The following FBXO31 variants were observed in gnomAD, a reference collection of about 807,000 sequenced individuals.
FBXO31 encodes the protein F-box only protein 31.
FBXO31 carries 24 observed loss-of-function variants against 54.4 expected under a neutral mutation model. The observed-to-expected ratio is 0.44, with a 90% CI of 0.32 to 0.62. The LOEUF (loss-of-function observed/expected upper bound fraction) is 0.62. Among genes scored for constraint, FBXO31 ranks in the 20% least tolerant of loss-of-function variants. The probability of loss-of-function intolerance (pLI) is 0.05; values close to 1 mark genes in which losing one functional copy is unlikely to be tolerated. For synonymous variants in FBXO31, 388 were observed against 335.6 expected (o/e 1.16, Z -1.71); for missense variants, 665 against 787.1 (o/e 0.84, Z 1.86).
At chr16:87,389,201 G>T (rs1242577658) in intron 1 of FBXO31, among the ~76,000 whole-genome samples, 2 of 152,056 alleles carry the variant, frequency 1.3e-5, no homozygotes, top group Non-Finnish European at 2.9e-5. Context: ...TCTTACATGG[G>T]AATGAAACCT....
rs971513949 is a variant in FBXO31 at position 87,346,130 on chromosome 16, C to T, written c.489+1044G>A. Among the ~76,000 whole-genome samples, 24 of 152,322 alleles carry T rather than the reference C, an allele frequency of 1.6e-4. No individual in the cohort carries two copies. Among genetic ancestry groups the T allele is most frequent in the African/African-American group, 5.8e-4 (24 of 41,588 alleles). Reference sequence around the variant, plus strand: ...ACGGACGGCCTCCGGCTGGGCCCTACAGAGGGTTGTGTCCTGGGAAGGAGA... The same window carrying T: ...ACGGACGGCCTCCGGCTGGGCCCTATAGAGGGTTGTGTCCTGGGAAGGAGA... On this transcript the variant is annotated intron_variant, in intron 3 of 8. Transcript: ENST00000311635. The surrounding 1 kb of genome is among the most constrained non-coding windows in gnomAD (Gnocchi z 4.2).
At position 87,327,143 on chromosome 16, in the gene FBXO31, T is replaced by G. The variant is rs3748396; in HGVS notation, c.*4145A>C. The stretch of plus-strand genomic sequence containing the variant: ...GTCACCTTACCAGGGGGTGCAGAGG[T>G]GCTCATGATCAGATGGCACAGCGCT... On this transcript the variant is annotated 3_prime_UTR_variant, in exon 9 of 9. Transcript: ENST00000311635. The G allele has an allele frequency of 0.74, 113,147 of 152,396 alleles. 42,264 individuals are homozygous for G. The highest frequency in any genetic ancestry group is 0.78 in the African/African-American group (32,575 of 41,528). The allele number at this position is 152,396 out of a possible 1,614,324, so 9.4% of individuals were successfully genotyped here.
At chr16:87,360,481 C>T in intron 1 of FBXO31, 115 bp from the exon 2 acceptor site, 1 of 785,032 alleles carries the variant, frequency 1.3e-6, no homozygotes. Context: ...GCCCCATCTC[C>T]AGAGTGCATC....
upstream of FBXO31, among the ~76,000 whole-genome samples, chr16:87,384,429 G>C (rs1165638737): frequency 6.6e-6 from 1 of 152,186 alleles, no homozygotes; most frequent in African/African-American, 2.4e-5. Flanking sequence ...CGGCCCAAGA[G>C]ATCCGGGGAT....
chr16:87,366,398 C>G (rs991389417), intron 1 of FBXO31, among the ~76,000 whole-genome samples: 1 of 152,060 alleles, frequency 6.6e-6, no homozygotes, highest in Non-Finnish European at 1.5e-5. Context: ...TAAAACACCT[C>G]CTAGGAGGCA....
chr16:87,365,007 T>TATATATATATATATA (rs1906292166), intron 1 of FBXO31, among the ~76,000 whole-genome samples: 2 of 12,198 alleles, frequency 1.6e-4, no homozygotes, highest in Admixed American at 1.3e-3. Context: ...ACCCCGTCTC[T>TATATATATATATATA]TAAATATATA....
At chr16:87,391,015 G>A (rs1907521654), upstream of FBXO31, among the ~76,000 whole-genome samples, 2 of 152,216 alleles carry the variant, frequency 1.3e-5, no homozygotes, top group South Asian at 4.1e-4. Flanking sequence ...AGAAATCCTG[G>A]AACTATGGGG....
At position 87,345,054 on chromosome 16, in the gene FBXO31, A is replaced by G. The variant is rs1020039434; in HGVS notation, c.490-1289T>C. ...TGAGGAACAAAGCCCAGAGCCACAG[A>G]GGAGCCATCTGCCCAGGGGCCATGC... On this transcript the variant is annotated intron_variant, in intron 3 of 8. Coordinates refer to ENST00000311635, the MANE Select transcript of FBXO31 (RefSeq NM_024735.5). The surrounding 1 kb of genome is among the most constrained non-coding windows in gnomAD (Gnocchi z 4.9). Among the ~76,000 whole-genome samples the G allele has an allele frequency of 4.6e-5, 7 of 151,774 alleles. No individual in the cohort carries two copies. The highest frequency in any genetic ancestry group is 1.0e-4 in the Non-Finnish European group (7 of 67,948).
In FBXO31 at chr16:87,342,807, G is replaced by C. The variant is rs150019395; in HGVS notation, c.732+70C>G. 298 of 1,371,946 alleles carry C rather than the reference G, an allele frequency of 2.2e-4. 2 individuals carry two copies. The East Asian group carries it at 6.4e-3, about 29-fold the overall frequency. 85.0% of individuals were successfully genotyped at this position (1,371,946 alleles called of 1,614,324 possible). On this transcript the variant is annotated intron_variant, in intron 5 of 8. Coordinates refer to ENST00000311635, the MANE Select transcript of FBXO31 (RefSeq NM_024735.5). Reference sequence around the variant, plus strand: ...TGCTGCTGACTTCTCTCCCGCATGGGTCTGTACTTTCCCCGTGGGGAAAGG... The same window carrying C: ...TGCTGCTGACTTCTCTCCCGCATGGCTCTGTACTTTCCCCGTGGGGAAAGG...
At chr16:87,339,762 G>C (rs1905135911) in intron 5 of FBXO31, among the ~76,000 whole-genome samples, 1 of 152,224 alleles carries the variant, frequency 6.6e-6, no homozygotes, top group South Asian at 2.1e-4. Flanking sequence ...CTGGGAAATA[G>C]CTGCTTCTAG....
chr16:87,361,326 G>C (rs1278659105), intron 1 of FBXO31, among the ~76,000 whole-genome samples: 6 of 152,248 alleles, frequency 3.9e-5, no homozygotes, highest in African/African-American at 1.4e-4. Flanking sequence ...CTTATGGTCA[G>C]CTGGGACCAA....
intron 1 of FBXO31, among the ~76,000 whole-genome samples, chr16:87,379,292 C>G (rs1417247320): frequency 6.6e-6 from 1 of 152,088 alleles, no homozygotes; most frequent in Non-Finnish European, 1.5e-5. Context: ...AGGACGCAAA[C>G]CTTCTGAAAG....
At chr16:87,342,246 G>A (rs951796733) in intron 5 of FBXO31, among the ~76,000 whole-genome samples, 2 of 151,942 alleles carry the variant, frequency 1.3e-5, no homozygotes, top group Admixed American at 1.3e-4. Context: ...GTAGAGACAG[G>A]GTCTCACTAT....
intron 1 of FBXO31, among the ~76,000 whole-genome samples, chr16:87,374,417 G>A (rs951774664): frequency 5.9e-5 from 9 of 152,080 alleles, no homozygotes; most frequent in Admixed American, 2.0e-4. Context: ...ATAATAAAGC[G>A]TTGACTATCT....
At chr16:87,343,067 T>C (rs1905242240) in intron 4 of FBXO31, 116 bp from the exon 5 acceptor site, 2 of 805,922 alleles carry the variant, frequency 2.5e-6, no homozygotes, top group Middle Eastern at 2.6e-4. Context: ...CAAACCCCAC[T>C]GCAGGCACCC....
chr16:87,327,907 A>C lies in FBXO31; in HGVS notation c.*3381T>G, dbSNP rs1196561097. On this transcript the variant is annotated 3_prime_UTR_variant, in exon 9 of 9. Coordinates refer to ENST00000311635, the MANE Select transcript of FBXO31 (RefSeq NM_024735.5). ...ACCACGAAGGCAGCAACCAGAATAG[A>C]AACATCCTAAAAGAGCCTAGCTGCT... 1 of 152,210 alleles carries C rather than the reference A, an allele frequency of 6.6e-6. No homozygotes were observed. 9.4% of individuals were successfully genotyped at this position (152,210 alleles called of 1,614,324 possible). A position where few individuals can be genotyped will look rare whatever the true frequency, so the allele number is the denominator to read the frequency against.
intron 1 of FBXO31, among the ~76,000 whole-genome samples, chr16:87,362,381 C>G (rs963936880): frequency 1.3e-5 from 2 of 151,760 alleles, no homozygotes; most frequent in Non-Finnish European, 2.9e-5. Context: ...AACATACATA[C>G]ATACATACAT....
chr16:87,344,318 C>G (rs1389546788), intron 3 of FBXO31, among the ~76,000 whole-genome samples: 1 of 152,232 alleles, frequency 6.6e-6, no homozygotes, highest in Admixed American at 6.5e-5. Flanking sequence ...GACGCCAAGA[C>G]CCCGGGAGGG....
intron 8 of FBXO31, among the ~76,000 whole-genome samples, 190 bp downstream of exon 8, chr16:87,333,696 C>T (rs925832772): frequency 3.9e-5 from 6 of 152,272 alleles, no homozygotes; most frequent in African/African-American, 7.2e-5. Context: ...GACCCAGCTG[C>T]GCGGCCGCTT....
Sources: gnomAD v4.1 joint callset for allele counts (sites outside exome capture counted in the v4.1 genomes callset) on GRCh38, gnomAD v4.1.1 for gene constraint, Gnocchi (gnomAD v3.1) non-coding constraint, MANE v1.5 for transcripts, NCBI Gene and HGNC (gene_info 2026-07-23, HGNC 2026-07-21) for gene names.